MAK: variants seen among roughly 807,000 people sequenced by gnomAD.
MAK encodes male germ cell associated kinase.
MAK carries 65 observed loss-of-function variants against 82.6 expected under a neutral mutation model. The observed-to-expected ratio is 0.79, with a 90% CI of 0.64 to 0.97. MAK has a LOEUF of 0.97. Ranked by LOEUF, MAK falls within the 50% of genes least tolerant of loss-of-function variation. MAK has a pLI of 0.00. For synonymous variants in MAK, 250 were observed against 274.2 expected (o/e 0.91, Z 0.87); for missense variants, 703 against 780.2 (o/e 0.90, Z 1.18).
intron 9 of MAK, among the ~76,000 whole-genome samples, chr6:10,792,694 A>T (rs1338489468): frequency 2.0e-5 from 3 of 152,182 alleles, no homozygotes; most frequent in Admixed American, 1.3e-4. Context: ...AGCATGGAAA[A>T]TTTTCAGAAA....
At chr6:10,828,226 G>C (rs1778525929) in intron 2 of MAK, among the ~76,000 whole-genome samples, 1 of 152,024 alleles carries the variant, frequency 6.6e-6, no homozygotes, top group African/African-American at 2.4e-5. Flanking sequence ...TTAAATTTTA[G>C]TTTGTCATAA....
Position 10,818,885 on chromosome 6 carries a change from C to T in MAK, c.156+1G>A, listed in dbSNP as rs750198258. 3 of 1,561,198 alleles carry T rather than the reference C, an allele frequency of 1.9e-6. No individual in the cohort carries two copies. The South Asian group carries it at 3.4e-5, about 17-fold the overall frequency. On this transcript the variant is annotated splice_donor_variant, in intron 3 of 14. Transcript: ENST00000354489. LOFTEE classifies it high-confidence loss of function. ...GGTTCTTTTCATCTTTAGGATTTTA[C>T]CTTAACTTCTCTCAAGTTCATGCAT...
At chr6:10,789,142 A>G (rs1275193569) in intron 10 of MAK, among the ~76,000 whole-genome samples, 3 of 151,622 alleles carry the variant, frequency 2.0e-5, no homozygotes, top group African/African-American at 4.9e-5. Context: ...GGATTGCCTA[A>G]GAGTTATCCA....
At chr6:10,812,794 G>A (rs984270296) in intron 5 of MAK, among the ~76,000 whole-genome samples, 14 of 151,410 alleles carry the variant, frequency 9.2e-5, no homozygotes, top group African/African-American at 3.2e-4. Context: ...ATGGAGCTTC[G>A]TTCTTTTTGC....
At chr6:10,796,899 G>A (rs147261199) in intron 8 of MAK, among the ~76,000 whole-genome samples, 4 of 151,570 alleles carry the variant, frequency 2.6e-5, no homozygotes, top group African/African-American at 9.7e-5. Flanking sequence ...TTTATTTAAA[G>A]ATTTGTTAGT....
intron 5 of MAK, among the ~76,000 whole-genome samples, chr6:10,810,411 C>T (rs979447340): frequency 1.4e-5 from 2 of 141,810 alleles, no homozygotes; most frequent in Non-Finnish European, 3.0e-5. Flanking sequence ...GCAATCTGGG[C>T]TCATTGCAAC....
Position 10,770,215 on chromosome 6 carries a change from T to C in MAK, c.1688A>G (p.Tyr563Cys), listed in dbSNP as rs951605580. 1 of 1,614,060 alleles carries C rather than the reference T, an allele frequency of 6.2e-7. No individual in the cohort carries two copies. Among genetic ancestry groups the C allele is most frequent in the East Asian group, 2.2e-5 (1 of 44,880 alleles). ...LEDPQGNLGS[Y>C]ATYNQSGYIP... ...ATATCCTGACTGATTGTAAGTAGCATAACTTCCAAGATTTCCTAGTGACAT... is the reference window on the plus strand; with the variant it reads ...ATATCCTGACTGATTGTAAGTAGCACAACTTCCAAGATTTCCTAGTGACAT... The change falls in exon 14 of 15, where the codon TAT becomes TGT. Residue 563 changes from tyrosine (Y) to cysteine (C), a missense_variant. By Grantham distance (194) the Tyr-to-Cys change is radical. Transcript: ENST00000354489.
intron 11 of MAK, chr6:10,780,153 A>G: frequency 3.3e-6 from 2 of 609,718 alleles, no homozygotes; most frequent in Non-Finnish European, 2.1e-6. Flanking sequence ...AATAGGTGAC[A>G]GTAAGGCTCA....
chr6:10,803,544 CA>C (rs34500831), intron 7 of MAK, among the ~76,000 whole-genome samples, 175 bp downstream of exon 7: 64 of 135,432 alleles, frequency 4.7e-4, no homozygotes, highest in South Asian at 9.6e-4. Flanking sequence ...GACTCCATCT[CA>C]AAAAAAAAAA....
intron 14 of MAK, among the ~76,000 whole-genome samples, chr6:10,768,739 G>A (rs933213295): frequency 2.0e-5 from 3 of 152,168 alleles, no homozygotes. Flanking sequence ...TAAGGTAACT[G>A]TAGTACTATT....
At position 10,763,850 on chromosome 6, in the gene MAK, C is replaced by CAA. The variant is rs60516370; in HGVS notation, c.*600_*601dup. 278 of 137,544 alleles carry CAA rather than the reference C, an allele frequency of 2.0e-3. 2 individuals carry two copies. The highest frequency in any genetic ancestry group is 6.6e-3 in the East Asian group (32 of 4,818). The allele number at this position is 137,544 out of a possible 1,614,324, so 8.5% of individuals were successfully genotyped here. A position where few individuals can be genotyped will look rare whatever the true frequency, so the allele number is the denominator to read the frequency against. On this transcript the variant is annotated 3_prime_UTR_variant, in exon 15 of 15. Transcript: ENST00000354489. ...TGGACACAAGAGTGAAACATCGCCT[C>CAA]AAAAAAAAAAAAAAAGATATCCTGC...
intron 13 of MAK, among the ~76,000 whole-genome samples, chr6:10,771,307 G>A (rs996128461): frequency 6.6e-6 from 1 of 152,120 alleles, no homozygotes; most frequent in African/African-American, 2.4e-5. Flanking sequence ...GGAGGAACAG[G>A]GTATGGAAAT....
chr6:10,797,631 G>A (rs1775668257), intron 8 of MAK: 1 of 985,316 alleles, frequency 1.0e-6, no homozygotes, highest in African/African-American at 1.7e-5. Context: ...CAAAGTAGCT[G>A]GTCATTTTTG....
Position 10,796,036 on chromosome 6 carries a change from G to A in MAK, c.1105C>T (p.Gln369Ter). The A allele has an allele frequency of 6.2e-7, 1 of 1,614,096 alleles. No individual in the cohort carries two copies. ...PKQQSQEKPP[Q>*]TLFPSIVKNM... ...TTGACGATGCTCGGGAATAGCGTTT[G>A]TGGCGGTTTCTCCTGACTCTGTTGC... Residue 369 changes from glutamine to a stop codon, truncating the protein, a stop_gained, in exon 9 of 15, where the codon CAA becomes TAA. Transcript: ENST00000354489. LOFTEE classifies it high-confidence loss of function.
At chr6:10,801,123 C>T (rs1055205708) in intron 8 of MAK, among the ~76,000 whole-genome samples, 3 of 152,064 alleles carry the variant, frequency 2.0e-5, no homozygotes, top group African/African-American at 4.8e-5. Context: ...TCCCTATCAC[C>T]GCTCTCTAAT....
intron 10 of MAK, among the ~76,000 whole-genome samples, chr6:10,786,123 T>C (rs1774512512): frequency 6.6e-6 from 1 of 152,048 alleles, no homozygotes; most frequent in African/African-American, 2.4e-5. Flanking sequence ...CGGCCACCTG[T>C]AATCCCAGCT....
At chr6:10,791,894 G>A (rs748807988) in intron 9 of MAK, 47 bp from the exon 10 acceptor site, 2 of 1,582,898 alleles carry the variant, frequency 1.3e-6, no homozygotes, top group Non-Finnish European at 1.7e-6. Flanking sequence ...TGTACTGAAT[G>A]CCTTTCATGC....
At chr6:10,825,078 T>C (rs1778263359) in intron 2 of MAK, among the ~76,000 whole-genome samples, 1 of 152,196 alleles carries the variant, frequency 6.6e-6, no homozygotes, top group Non-Finnish European at 1.5e-5. Flanking sequence ...GGAAGAATTA[T>C]CACTAGCTGA....
At chr6:10,818,480 G>A (rs1003885480) in intron 3 of MAK, among the ~76,000 whole-genome samples, 1 of 152,086 alleles carries the variant, frequency 6.6e-6, no homozygotes, top group African/African-American at 2.4e-5. Flanking sequence ...TGGGCATGGT[G>A]ACACACACCT....
Sources: allele counts gnomAD v4.1 joint callset (sites outside exome capture counted in the v4.1 genomes callset), GRCh38; gene constraint gnomAD v4.1.1; transcripts MANE v1.5; gene names NCBI Gene and HGNC (gene_info 2026-07-23, HGNC 2026-07-21).